LDLRAD4: variants seen among roughly 807,000 people sequenced by gnomAD.
The protein encoded by LDLRAD4 is low-density lipoprotein receptor class A domain-containing protein 4.
LDLRAD4 carries 5 observed loss-of-function variants against 17.0 expected under a neutral mutation model. The ratio of observed to expected loss-of-function variants is 0.29; its 90% CI spans 0.15 to 0.62. LDLRAD4 has a LOEUF of 0.62. Among genes scored for constraint, LDLRAD4 ranks in the 20% least tolerant of loss-of-function variants. LDLRAD4 has a pLI of 0.84. For missense variants in LDLRAD4, 340 were observed against 424.7 expected, an observed-to-expected ratio of 0.80 and a Z score of 1.75; for synonymous variants, 168 against 171.8, an observed-to-expected ratio of 0.98 and a Z score of 0.17.
At chr18:13,564,520 C>T (rs1312596095) in intron 3 of LDLRAD4, among the ~76,000 whole-genome samples, 3 of 147,664 alleles carry the variant, frequency 2.0e-5, no homozygotes, top group African/African-American at 7.6e-5. Flanking sequence ...GCCTCACCTG[C>T]TCTCCTTGGT....
intron 1 of LDLRAD4, among the ~76,000 whole-genome samples, chr18:13,343,001 T>G (rs1434252525): frequency 6.6e-6 from 1 of 152,168 alleles, no homozygotes; most frequent in African/African-American, 2.4e-5. Flanking sequence ...TCTCATGTAC[T>G]TTTGTGTATA....
At chr18:13,293,810 C>T (rs569746061) in intron 1 of LDLRAD4, among the ~76,000 whole-genome samples, 76 of 152,342 alleles carry the variant, frequency 5.0e-4, no homozygotes, top group Non-Finnish European at 4.4e-5. Context: ...TTTGAAGCTA[C>T]ATGTAAACTT....
chr18:13,475,114 A>C (rs922392410), intron 3 of LDLRAD4, among the ~76,000 whole-genome samples: 1 of 152,222 alleles, frequency 6.6e-6, no homozygotes, highest in Non-Finnish European at 1.5e-5. Context: ...TGGAGCAGAC[A>C]GGAGCCTCAA....
At chr18:13,260,981 G>T (rs555659640) in intron 1 of LDLRAD4, among the ~76,000 whole-genome samples, 83 of 152,208 alleles carry the variant, frequency 5.5e-4, no homozygotes, top group Non-Finnish European at 9.6e-4. Context: ...GACACTGCCG[G>T]TGCCCCACCT....
In LDLRAD4 at chr18:13,602,493, A is replaced by AT. The variant is rs36122294; in HGVS notation, c.182-18601dup. 3.5e-3 allele frequency among the ~76,000 whole-genome samples: 328 copies of AT among 94,958 alleles called. 2 individuals carry two copies. The highest frequency in any genetic ancestry group is 0.012 in the Middle Eastern group (2 of 166). The allele number at this position is 94,958 out of a possible 152,430, so 62.3% of individuals were successfully genotyped here. On this transcript the variant is annotated intron_variant, in intron 3 of 5. Transcript: ENST00000359446. ...CATCATTCTTAAACCATGGCATTTA[A>AT]TTTTTTTTTTTTTTTTTTTTTTTGA... is the stretch of plus-strand genomic sequence containing the variant.
At chr18:13,532,793 G>T (rs1178271301) in intron 3 of LDLRAD4, among the ~76,000 whole-genome samples, 6 of 152,328 alleles carry the variant, frequency 3.9e-5, no homozygotes, top group Non-Finnish European at 7.4e-5. Flanking sequence ...GCCCAGGGTG[G>T]AAGCCTTCTT....
chr18:13,291,079 T>A (rs1429230971), intron 1 of LDLRAD4, among the ~76,000 whole-genome samples: 5 of 152,222 alleles, frequency 3.3e-5, no homozygotes, highest in African/African-American at 1.2e-4. Flanking sequence ...ACAGGCTGTT[T>A]ACCAAGTCTG....
chr18:13,578,917 G>A (rs1415192258), intron 3 of LDLRAD4, among the ~76,000 whole-genome samples: 5 of 143,154 alleles, frequency 3.5e-5, no homozygotes, highest in African/African-American at 1.1e-4. Context: ...TTGGCCGGGC[G>A]CAGTGGCTCA....
intron 3 of LDLRAD4, among the ~76,000 whole-genome samples, chr18:13,482,855 G>C (rs552999645): frequency 1.6e-4 from 24 of 152,340 alleles, no homozygotes; most frequent in African/African-American, 5.5e-4. Context: ...GGTGAAGTCT[G>C]TCCTGGGCAT....
intron 3 of LDLRAD4, among the ~76,000 whole-genome samples, chr18:13,566,655 C>A (rs1340538604): frequency 1.3e-5 from 2 of 152,236 alleles, no homozygotes; most frequent in Admixed American, 1.3e-4. Flanking sequence ...GACGCTGCGC[C>A]CAGCCAAGAG....
intron 3 of LDLRAD4, among the ~76,000 whole-genome samples, chr18:13,449,854 T>A (rs2091681385): frequency 6.6e-6 from 1 of 152,184 alleles, no homozygotes; most frequent in Non-Finnish European, 1.5e-5. Flanking sequence ...GTTCTCCCTG[T>A]CTGGGTTTGG....
At chr18:13,366,323 G>A (rs1001888417) in intron 1 of LDLRAD4, 3 of 151,258 alleles carry the variant, frequency 2.0e-5, no homozygotes. Context: ...CAATGAATGA[G>A]TATTCAGGAA....
chr18:13,621,102 C>T lies in LDLRAD4; in HGVS notation c.182-15C>T. The T allele has an allele frequency of 6.2e-7, 1 of 1,614,158 alleles. No individual in the cohort carries two copies. The highest frequency in any genetic ancestry group is 1.1e-5 in the South Asian group (1 of 91,086). On this transcript the variant is annotated splice_polypyrimidine_tract_variant and intron_variant, in intron 3 of 5. Transcript: ENST00000359446. This position sits in a 1 kb window ranked among gnomAD's most constrained non-coding sequence, Gnocchi z 5.5. Reference sequence around the variant, plus strand: ...GAGGGGCCAGGTGGCTAACCACTCTCCTCTTCCATGGCAGCGGAGCTGGAG... The same window carrying T: ...GAGGGGCCAGGTGGCTAACCACTCTTCTCTTCCATGGCAGCGGAGCTGGAG...
intron 1 of LDLRAD4, among the ~76,000 whole-genome samples, chr18:13,265,523 G>A (rs557241686): frequency 6.6e-6 from 1 of 152,278 alleles, no homozygotes; most frequent in African/African-American, 2.4e-5. Context: ...TTGTCAAAAC[G>A]TGTGACAGGG....
chr18:13,549,119 G>A (rs796711907), intron 3 of LDLRAD4, among the ~76,000 whole-genome samples: 3 of 152,304 alleles, frequency 2.0e-5, no homozygotes, highest in African/African-American at 7.2e-5. Context: ...CATGTGGTGT[G>A]GGGGTGGGCT....
chr18:13,232,140 C>T (rs2042109116), intron 1 of LDLRAD4, among the ~76,000 whole-genome samples: 1 of 152,358 alleles, frequency 6.6e-6, no homozygotes, highest in South Asian at 2.1e-4. Context: ...TGGAGTGTGG[C>T]GCGAGTACGG....
chr18:13,333,088 G>T lies in LDLRAD4; in HGVS notation c.-382-54253G>T, dbSNP rs368718014. ...TCCTTGCCAGCTTTTGGTATTGTCA[G>T]TGTTCTGGATTTCGGCCATTCTAAT... On this transcript the variant is annotated intron_variant, in intron 1 of 5. Coordinates refer to ENST00000359446, the Ensembl canonical transcript of LDLRAD4. Among the ~76,000 whole-genome samples, 3 of 152,232 alleles carry T rather than the reference G, an allele frequency of 2.0e-5. No homozygotes were observed. The South Asian group carries it at 6.2e-4, about 32-fold the overall frequency.
chr18:13,566,012 A>G (rs142688354), intron 3 of LDLRAD4, among the ~76,000 whole-genome samples: 1 of 152,214 alleles, frequency 6.6e-6, no homozygotes, highest in Non-Finnish European at 1.5e-5. Context: ...AGCCTGGGCC[A>G]TGAATTTTCT....
At chr18:13,377,227 T>G (rs2084982823) in intron 1 of LDLRAD4, among the ~76,000 whole-genome samples, 1 of 152,188 alleles carries the variant, frequency 6.6e-6, no homozygotes, top group Admixed American at 6.5e-5. Flanking sequence ...ACAGCACTGT[T>G]TTGCATTCTG....
Sources: gnomAD v4.1 joint callset for allele counts (sites outside exome capture counted in the v4.1 genomes callset) on GRCh38, gnomAD v4.1.1 for gene constraint, Gnocchi (gnomAD v3.1) non-coding constraint, MANE v1.5 for transcripts, NCBI Gene and HGNC (gene_info 2026-07-23, HGNC 2026-07-21) for gene names.